The following CEACAM7 variants were observed in gnomAD, a reference collection of about 807,000 sequenced individuals.
The protein encoded by CEACAM7 is CEA cell adhesion molecule 7.
Under a neutral mutation model 25.7 loss-of-function variants are expected in CEACAM7, and 24 were observed. The ratio of observed to expected loss-of-function variants is 0.93; its 90% CI spans 0.68 to 1.31. CEACAM7 has a LOEUF of 1.31. Among genes scored for constraint, CEACAM7 ranks in the 40% most tolerant of loss-of-function variants. The pLI, the probability that CEACAM7 is intolerant of heterozygous loss-of-function variation, is 0.00. For missense variants in CEACAM7, 324 were observed against 330.1 expected (o/e 0.98, Z 0.14); for synonymous variants, 144 against 129.4 (o/e 1.11, Z -0.77).
intron 3 of CEACAM7, among the ~76,000 whole-genome samples, chr19:41,679,846 A>G (rs1247104930): frequency 7.4e-6 from 1 of 134,578 alleles, no homozygotes; most frequent in Non-Finnish European, 1.6e-5. Context: ...TTATTGCCCA[A>G]GCTGAAGTGC....
intron 4 of CEACAM7, among the ~76,000 whole-genome samples, chr19:41,674,964 C>T (rs892934532): frequency 6.6e-6 from 1 of 152,146 alleles, no homozygotes; most frequent in African/African-American, 2.4e-5. Context: ...GACCACATAG[C>T]ATCTTTTTAA....
At chr19:41,681,757 G>A (rs2072177659) in intron 3 of CEACAM7, among the ~76,000 whole-genome samples, 1 of 152,138 alleles carries the variant, frequency 6.6e-6, no homozygotes, top group Admixed American at 6.5e-5. Context: ...ATTGATGTGA[G>A]GTACTTATTA....
chr19:41,677,337 T>C, intron 4 of CEACAM7, 39 bp downstream of exon 4: 2 of 1,120,344 alleles, frequency 1.8e-6, no homozygotes, highest in Non-Finnish European at 2.7e-6. Context: ...CAGTCAGCCC[T>C]GCAGGAAATA....
chr19:41,677,931 A>G (rs1341802003), intron 3 of CEACAM7, among the ~76,000 whole-genome samples: 1 of 152,212 alleles, frequency 6.6e-6, no homozygotes, highest in African/African-American at 2.4e-5. Flanking sequence ...GGTGTGTGAA[A>G]GCAAGTCAAG....
intron 3 of CEACAM7, among the ~76,000 whole-genome samples, chr19:41,680,050 C>T (rs527533767): frequency 6.9e-6 from 1 of 144,178 alleles, no homozygotes; most frequent in East Asian, 2.0e-4. Context: ...GAACTTGTGA[C>T]CCCAAATGAT....
At chr19:41,686,762 G>A in intron 2 of CEACAM7, 97 bp downstream of exon 2, 2 of 1,329,294 alleles carry the variant, frequency 1.5e-6, no homozygotes, top group Non-Finnish European at 2.0e-6. Flanking sequence ...TGGATAAAAT[G>A]TAGATGGGGA....
At chr19:41,677,270 G>A in intron 4 of CEACAM7, 106 bp downstream of exon 4, 1 of 609,682 alleles carries the variant, frequency 1.6e-6, no homozygotes, top group South Asian at 2.2e-5. Context: ...AGTGGGAGGA[G>A]GAGGAGATCT....
intron 2 of CEACAM7, 152 bp from the exon 3 acceptor site, chr19:41,684,215 A>G: frequency 1.3e-6 from 1 of 792,228 alleles, no homozygotes; most frequent in Non-Finnish European, 2.0e-6. Flanking sequence ...ACAGATGCAC[A>G]ATGATCTGAG....
intron 4 of CEACAM7, among the ~76,000 whole-genome samples, chr19:41,675,179 T>C (rs982124571): frequency 3.3e-5 from 5 of 152,226 alleles, no homozygotes; most frequent in Non-Finnish European, 5.9e-5. Flanking sequence ...TATCCTGTTA[T>C]AAACAGAACA....
At chr19:41,685,554 C>A (rs1190707744) in intron 2 of CEACAM7, among the ~76,000 whole-genome samples, 1 of 152,118 alleles carries the variant, frequency 6.6e-6, no homozygotes, top group African/African-American at 2.4e-5. Context: ...TCATTCATTC[C>A]CTCCCTCCTT....
chr19:41,679,552 A>T (rs2072150826), intron 3 of CEACAM7, among the ~76,000 whole-genome samples: 1 of 152,218 alleles, frequency 6.6e-6, no homozygotes, highest in Admixed American at 6.5e-5. Context: ...TATTCTATGT[A>T]GTATTGAAAG....
At chr19:41,678,242 C>A (rs782140470) in intron 3 of CEACAM7, among the ~76,000 whole-genome samples, 5 of 151,998 alleles carry the variant, frequency 3.3e-5, no homozygotes, top group Non-Finnish European at 7.4e-5. Flanking sequence ...TAACTCTGTT[C>A]TTTTCCCTCT....
At chr19:41,679,867 T>C (rs1451879491) in intron 3 of CEACAM7, among the ~76,000 whole-genome samples, 2 of 147,962 alleles carry the variant, frequency 1.4e-5, no homozygotes, top group African/African-American at 2.5e-5. Context: ...AGTAGCATGA[T>C]CTCGGCTCAC....
In CEACAM7 at chr19:41,674,090, A is replaced by G. The variant is rs1568684062; in HGVS notation, c.*686T>C. On this transcript the variant is annotated 3_prime_UTR_variant, in exon 5 of 5. Coordinates refer to ENST00000401731, the MANE Select transcript of CEACAM7 (RefSeq NM_001291485.2). Reference sequence around the variant, plus strand: ...CCCACTGTATTTATTTATGTGCAACAAGAAGTGTCAGCAACTGCACAAACT... The same window carrying G: ...CCCACTGTATTTATTTATGTGCAACGAGAAGTGTCAGCAACTGCACAAACT... 1.3e-5 allele frequency: 2 copies of G among 152,244 alleles called. No individual in the cohort carries two copies. Among genetic ancestry groups the G allele is most frequent in the East Asian group, 3.9e-4 (2 of 5,194 alleles). 9.4% of individuals were successfully genotyped at this position (152,244 alleles called of 1,614,324 possible).
chr19:41,679,870 C>T (rs2072155742), intron 3 of CEACAM7, among the ~76,000 whole-genome samples: 2 of 136,710 alleles, frequency 1.5e-5, no homozygotes, highest in African/African-American at 5.5e-5. Context: ...AGCATGATCT[C>T]GGCTCACTGC....
At chr19:41,678,751 A>T (rs997280014) in intron 3 of CEACAM7, among the ~76,000 whole-genome samples, 1 of 152,220 alleles carries the variant, frequency 6.6e-6, no homozygotes, top group Non-Finnish European at 1.5e-5. Flanking sequence ...CATTTATGAA[A>T]CAGTTCCTCT....
Position 41,684,616 on chromosome 19 carries a change from G to A in CEACAM7, c.428-553C>T, listed in dbSNP as rs138615055. Among the ~76,000 whole-genome samples the A allele has an allele frequency of 7.5e-3, 1,148 of 152,256 alleles. 7 individuals carry two copies. Among genetic ancestry groups the A allele is most frequent in the African/African-American group, 0.025 (1,057 of 41,540 alleles). ...GCCTCCAGGTGGGGCAGCTCTACCC[G>A]GGTGTTTGATGGTGACTGACAAGAG... On this transcript the variant is annotated intron_variant, in intron 2 of 4. Coordinates refer to ENST00000401731, the MANE Select transcript of CEACAM7 (RefSeq NM_001291485.2).
intron 3 of CEACAM7, 70 bp downstream of exon 3, chr19:41,683,715 A>C: frequency 6.3e-7 from 1 of 1,582,296 alleles, no homozygotes; most frequent in South Asian, 1.2e-5. Flanking sequence ...AGAGGGACTA[A>C]GAGGCCTGGT....
At chr19:41,686,832 C>T (rs782747830) in intron 2 of CEACAM7, 27 bp downstream of exon 2, 2 of 1,517,710 alleles carry the variant, frequency 1.3e-6, no homozygotes, top group Non-Finnish European at 1.8e-6. Context: ...GCCCCCAGCA[C>T]CCAGAAGTCA....
Sources: allele counts gnomAD v4.1 joint callset (sites outside exome capture counted in the v4.1 genomes callset), GRCh38; gene constraint gnomAD v4.1.1; transcripts MANE v1.5; gene names NCBI Gene and HGNC (gene_info 2026-07-23, HGNC 2026-07-21).